The following SPTB variants were observed in gnomAD, a reference collection of about 807,000 sequenced individuals.
SPTB encodes the protein spectrin beta chain, erythrocytic.
A neutral mutation model predicts 256.2 loss-of-function variants in SPTB; 45 were observed. The ratio of observed to expected loss-of-function variants is 0.18; its 90% CI spans 0.14 to 0.23. The LOEUF (loss-of-function observed/expected upper bound fraction) is 0.23. Among genes scored for constraint, SPTB ranks in the 10% least tolerant of loss-of-function variants. The pLI is 1.00. For missense variants in SPTB, 2,715 were observed against 3,040.4 expected (o/e 0.89, Z 2.52); for synonymous variants, 1,231 against 1,243.1 (o/e 0.99, Z 0.21).
At chr14:64,756,950 GAGC>G (rs2082024562) in intron 32 of SPTB, 1 of 152,410 alleles carries the variant, frequency 6.6e-6, no homozygotes, top group Non-Finnish European at 1.5e-5. Flanking sequence ...CAGGGAGGAA[GAGC>G]AGGAGAGGCA....
Position 64,793,436 on chromosome 14 carries a change from C to T in SPTB, c.2227G>A (p.Glu743Lys), listed in dbSNP as rs369831704. The part of the protein sequence containing the change: ...AFCKKNLQDA[E>K]NFFQFQGDAD... ...TCGCCCTGGAACTGGAAAAAGTTCTCAGCATCCTGGAGGTTCTTCTTGCAG... is the reference window on the plus strand; with the variant it reads ...TCGCCCTGGAACTGGAAAAAGTTCTTAGCATCCTGGAGGTTCTTCTTGCAG... Residue 743 changes from glutamate (E) to lysine (K), a missense_variant, in exon 14 of 36, where the codon GAG (glutamate) becomes AAG (lysine). This residue lies in a region of SPTB where 2,239 missense variants were observed against 2,384.4 expected (regional missense o/e 0.94). Transcript: ENST00000644917. This position sits in a 1 kb window ranked among gnomAD's most constrained non-coding sequence, Gnocchi z 7.0. 1.2e-6 allele frequency: 2 copies of T among 1,613,990 alleles called. No individual in the cohort carries two copies. Among genetic ancestry groups the T allele is most frequent in the Non-Finnish European group, 8.5e-7 (1 of 1,180,036 alleles).
chr14:64,772,504 C>T lies in SPTB; in HGVS notation c.5553+76G>A. Reference sequence around the variant, plus strand: ...GGCACTTATCCTAGAGGTTTTCCTGCTGACAGCCAGGTGGGGACTGACACC... The same window carrying T: ...GGCACTTATCCTAGAGGTTTTCCTGTTGACAGCCAGGTGGGGACTGACACC... On this transcript the variant is annotated intron_variant, in intron 26 of 35. Transcript: ENST00000644917. The surrounding 1 kb of genome is among the most constrained non-coding windows in gnomAD (Gnocchi z 5.4). 6.3e-7 allele frequency: 1 copy of T among 1,575,064 alleles called. No homozygotes were observed. Among genetic ancestry groups the T allele is most frequent in the Non-Finnish European group, 8.6e-7 (1 of 1,167,834 alleles).
Position 64,796,502 on chromosome 14 carries a change from T to TG in SPTB, c.1341+54dup. ...CTTGGACTCCAGCCCAGCCAAGAGC[T>TG]GGGGGCTCTGAAGAATGTCCCCTCT... On this transcript the variant is annotated intron_variant, in intron 11 of 35. Transcript: ENST00000644917. This position sits in a 1 kb window ranked among gnomAD's most constrained non-coding sequence, Gnocchi z 4.1. 6.2e-7 allele frequency: 1 copy of TG among 1,612,470 alleles called. No homozygotes were observed. Among genetic ancestry groups the TG allele is most frequent in the Non-Finnish European group, 8.5e-7 (1 of 1,179,370 alleles).
At chr14:64,769,803 G>T in intron 27 of SPTB, 75 bp from the exon 28 acceptor site, 1 of 1,596,110 alleles carries the variant, frequency 6.3e-7, no homozygotes, top group Non-Finnish European at 8.6e-7. Context: ...AACCAGAGGG[G>T]CCCACCTCCC....
intron 2 of SPTB, among the ~76,000 whole-genome samples, chr14:64,815,569 A>G (rs992724601): frequency 2.0e-5 from 3 of 152,238 alleles, no homozygotes; most frequent in African/African-American, 7.2e-5. Flanking sequence ...GTTGTCTTGC[A>G]TGCAGGTGGT....
At chr14:64,869,618 T>A (rs1323668486) in intron 1 of SPTB, among the ~76,000 whole-genome samples, 1 of 141,802 alleles carries the variant, frequency 7.1e-6, no homozygotes, top group African/African-American at 2.6e-5. Flanking sequence ...TCAGATTTTT[T>A]AAATTTTTTT....
chr14:64,846,718 G>A (rs892072003), intron 1 of SPTB, among the ~76,000 whole-genome samples: 1 of 152,220 alleles, frequency 6.6e-6, no homozygotes, highest in Non-Finnish European at 1.5e-5. Flanking sequence ...AGTATATTCA[G>A]GTACTGTCTG....
In SPTB at chr14:64,852,256, G is replaced by A. The variant is rs2139778340; in HGVS notation, c.-52+27536C>T. Among the ~76,000 whole-genome samples the A allele has an allele frequency of 6.6e-6, 1 of 152,188 alleles. No homozygotes were observed. Among genetic ancestry groups the A allele is most frequent in the Non-Finnish European group, 1.5e-5 (1 of 68,016 alleles). ...GGGGGTGATGGAGAAGTGGAGCCAG[G>A]CACAACAGGGAAGTAAGAGGAAAGC... On this transcript the variant is annotated intron_variant, in intron 1 of 35. Transcript: ENST00000644917. The surrounding 1 kb of genome is among the most constrained non-coding windows in gnomAD (Gnocchi z 4.2).
rs559133715 is a variant in SPTB at position 64,772,430 on chromosome 14, A to G, written c.5553+150T>C. 2.2e-5 allele frequency: 24 copies of G among 1,078,854 alleles called. No homozygotes were observed. In the African/African-American group the frequency reaches 3.2e-4, roughly 14 times the overall value. 66.8% of individuals were successfully genotyped at this position (1,078,854 alleles called of 1,614,324 possible). ...TGAAGCTAAGGAACATCTGAAAGCC[A>G]CTGCTCCCAGCCCTGAGCTCCTGGC... On this transcript the variant is annotated intron_variant, in intron 26 of 35. Coordinates refer to ENST00000644917, the MANE Select transcript of SPTB (RefSeq NM_001355436.2). This position sits in a 1 kb window ranked among gnomAD's most constrained non-coding sequence, Gnocchi z 5.4.
At position 64,826,045 on chromosome 14, in the gene SPTB, A is replaced by C. The variant is rs1243660860; in HGVS notation, c.-51-2900T>G. On this transcript the variant is annotated intron_variant, in intron 1 of 35. Transcript: ENST00000644917. The surrounding 1 kb of genome is among the most constrained non-coding windows in gnomAD (Gnocchi z 4.4). ...AACAAACACCAAGGAAAGATGATTC[A>C]GAAATGAAAGTGAGGCCCCTTTCCT... 6.6e-6 allele frequency among the ~76,000 whole-genome samples: 1 copy of C among 152,242 alleles called. No individual in the cohort carries two copies. The highest frequency in any genetic ancestry group is 1.9e-4 in the East Asian group (1 of 5,200).
At position 64,852,003 on chromosome 14, in the gene SPTB, G is replaced by A. The variant is rs1171116968; in HGVS notation, c.-52+27789C>T. ...CCTATGTAACAAACCTACACATCTG[G>A]CACATGTACCCCGGAACTTAAAATA... is the stretch of plus-strand genomic sequence containing the variant. On this transcript the variant is annotated intron_variant, in intron 1 of 35. Coordinates refer to ENST00000644917, the MANE Select transcript of SPTB (RefSeq NM_001355436.2). This position sits in a 1 kb window ranked among gnomAD's most constrained non-coding sequence, Gnocchi z 4.2. 6.6e-6 allele frequency among the ~76,000 whole-genome samples: 1 copy of A among 152,118 alleles called. No individual in the cohort carries two copies. The highest frequency in any genetic ancestry group is 1.5e-5 in the Non-Finnish European group (1 of 68,034).
At position 64,823,393 on chromosome 14, in the gene SPTB, G is replaced by A. The variant is rs1355490386; in HGVS notation, c.-51-248C>T. 1.3e-5 allele frequency among the ~76,000 whole-genome samples: 2 copies of A among 152,288 alleles called. No homozygotes were observed. The highest frequency in any genetic ancestry group is 2.1e-4 in the South Asian group (1 of 4,818). On this transcript the variant is annotated intron_variant, in intron 1 of 35. Transcript: ENST00000644917. The surrounding 1 kb of genome is among the most constrained non-coding windows in gnomAD (Gnocchi z 6.5). ...AGCTGCACGTAGCAAGGGTCAGGAC[G>A]GCCAGCAGGTGGAGACGTCAGTCGC...
At chr14:64,874,973 A>G (rs1882741253) in intron 1 of SPTB, among the ~76,000 whole-genome samples, 1 of 152,036 alleles carries the variant, frequency 6.6e-6, no homozygotes, top group African/African-American at 2.4e-5. Flanking sequence ...TTCACTTGCT[A>G]AATTTATAAC....
Position 64,787,080 on chromosome 14 carries a change from T to C in SPTB, c.2885A>G (p.Asp962Gly). 6.2e-7 allele frequency: 1 copy of C among 1,613,194 alleles called. No individual in the cohort carries two copies. Among genetic ancestry groups the C allele is most frequent in the Non-Finnish European group, 8.5e-7 (1 of 1,180,002 alleles). The change falls in exon 16 of 36, where the codon GAT (aspartate) becomes GGT (glycine). Residue 962 changes from aspartate to glycine, a missense_variant. Asp to Gly is a moderately conservative substitution (Grantham distance 94). This residue lies in a region of SPTB where 2,239 missense variants were observed against 2,384.4 expected (regional missense o/e 0.94). Coordinates refer to ENST00000644917, the MANE Select transcript of SPTB (RefSeq NM_001355436.2). ...SALRVHNYCV[D>G]CEETSKWITD... ...GATCCACTTGCTGGTCTCCTCGCAA[T>C]CTACGCAGTAGTTGTGCACTCGGAG... is the stretch of plus-strand genomic sequence containing the variant.
In SPTB at chr14:64,760,378, G is replaced by A. The variant is rs551835576; in HGVS notation, c.6345+6348C>T. On this transcript the variant is annotated intron_variant, in intron 32 of 35. Coordinates refer to ENST00000644917, the MANE Select transcript of SPTB (RefSeq NM_001355436.2). This position sits in a 1 kb window ranked among gnomAD's most constrained non-coding sequence, Gnocchi z 4.3. ...CAACCAGCAGGTGGCGCGGGGGACT[G>A]CACACAGACAACAAACTCCTCAGGC... 1.3e-5 allele frequency among the ~76,000 whole-genome samples: 2 copies of A among 152,278 alleles called. No individual in the cohort carries two copies. Among genetic ancestry groups the A allele is most frequent in the South Asian group, 2.1e-4 (1 of 4,826 alleles).
At chr14:64,840,818 G>A (rs2083594210) in intron 1 of SPTB, among the ~76,000 whole-genome samples, 1 of 152,182 alleles carries the variant, frequency 6.6e-6, no homozygotes, top group South Asian at 2.1e-4. Context: ...GGAGACCACA[G>A]GACAGAGAGG....
At chr14:64,769,362 G>T (rs577963347) in intron 28 of SPTB, among the ~76,000 whole-genome samples, 1 of 152,210 alleles carries the variant, frequency 6.6e-6, no homozygotes, top group Non-Finnish European at 1.5e-5. Context: ...GTGTTAGGCC[G>T]GTTATGAGGC....
chr14:64,770,813 G>A (rs1448474468), intron 27 of SPTB, 72 bp downstream of exon 27: 4 of 1,608,264 alleles, frequency 2.5e-6, no homozygotes, highest in East Asian at 2.2e-5. Context: ...GAGCCACAGT[G>A]CAGCACCCTG....
intron 2 of SPTB, among the ~76,000 whole-genome samples, chr14:64,809,188 G>T (rs1317581658): frequency 1.4e-5 from 2 of 145,676 alleles, no homozygotes; most frequent in African/African-American, 2.5e-5. Context: ...TTTGAACTCA[G>T]GAGGCAGAGG....
Sources: gnomAD v4.1 joint callset for allele counts (sites outside exome capture counted in the v4.1 genomes callset) on GRCh38, gnomAD v4.1.1 for gene constraint, gnomAD v4.1.1 regional missense constraint, Gnocchi (gnomAD v3.1) non-coding constraint, MANE v1.5 for transcripts, NCBI Gene and HGNC (gene_info 2026-07-23, HGNC 2026-07-21) for gene names.